Variants in BRCA1 observed in about 807,000 individuals in gnomAD.
The protein encoded by BRCA1 is BRCA1 DNA repair associated, also known as breast cancer type 1 susceptibility protein.
In BRCA1, 140 loss-of-function variants were observed where a neutral mutation model predicts 173.7. The ratio of observed to expected loss-of-function variants is 0.81; its 90% CI spans 0.70 to 0.93. The LOEUF (loss-of-function observed/expected upper bound fraction) is 0.93, where lower values mean the gene tolerates loss of function less well. Ranked by LOEUF, BRCA1 falls within the 40% of genes least tolerant of loss-of-function variation. The probability of loss-of-function intolerance (pLI) is 0.00; values close to 1 mark genes in which losing one functional copy is unlikely to be tolerated. For synonymous variants in BRCA1, 662 were observed against 756.0 expected, an observed-to-expected ratio of 0.88 and a Z score of 2.04; for missense variants, 1,983 against 2,172.5, an observed-to-expected ratio of 0.91 and a Z score of 1.73.
At chr17:43,127,364 G>C (rs1409797768), upstream of BRCA1, among the ~76,000 whole-genome samples, 1 of 152,218 alleles carries the variant, frequency 6.6e-6, no homozygotes, top group African/African-American at 2.4e-5. Flanking sequence ...GCACCAATCA[G>C]CACTCTGTAT....
chr17:43,089,231 C>T (rs1358091148), intron 11 of BRCA1, among the ~76,000 whole-genome samples: 1 of 151,970 alleles, frequency 6.6e-6, no homozygotes, highest in Admixed American at 6.6e-5. Flanking sequence ...GCACGAAAAT[C>T]ACTTGATCCT....
chr17:43,073,072 C>A (rs1003057668), intron 14 of BRCA1, among the ~76,000 whole-genome samples: 6 of 151,162 alleles, frequency 4.0e-5, no homozygotes, highest in Non-Finnish European at 7.4e-5. Context: ...TGGCTCACAC[C>A]TATAATCCCA....
intron 4 of BRCA1, 99 bp downstream of exon 4, chr17:43,106,357 T>C (rs1189340178): frequency 2.6e-6 from 2 of 776,622 alleles, no homozygotes; most frequent in South Asian, 1.7e-5. Flanking sequence ...TATAAATTTT[T>C]CTGATGAATG....
At chr17:43,103,322 C>T (rs2054573073) in intron 6 of BRCA1, among the ~76,000 whole-genome samples, 1 of 152,010 alleles carries the variant, frequency 6.6e-6, no homozygotes, top group Non-Finnish European at 1.5e-5. Flanking sequence ...CAAAAATTAG[C>T]CAGGTCTGGT....
intron 2 of BRCA1, among the ~76,000 whole-genome samples, chr17:43,120,233 G>C (rs1016772494): frequency 3.9e-5 from 6 of 152,204 alleles, no homozygotes; most frequent in Admixed American, 1.3e-4. Context: ...GTCAGAAATA[G>C]CTGCCAATAT....
At chr17:43,089,405 TCTAGA>T (rs1441447625) in intron 11 of BRCA1, among the ~76,000 whole-genome samples, 1 of 152,176 alleles carries the variant, frequency 6.6e-6, no homozygotes, top group Non-Finnish European at 1.5e-5. Context: ...GAATGTTTTT[TCTAGA>T]CTATTCTGCC....
intron 14 of BRCA1, among the ~76,000 whole-genome samples, chr17:43,073,765 T>C (rs962992684): frequency 1.0e-4 from 15 of 149,862 alleles, no homozygotes; most frequent in Admixed American, 8.0e-4. Flanking sequence ...TATATATATA[T>C]ATTTTTTGAG....
At chr17:43,114,743 GGTACCAGGTTAT>G (rs1380498900) in intron 3 of BRCA1, among the ~76,000 whole-genome samples, 4 of 151,904 alleles carry the variant, frequency 2.6e-5, no homozygotes, top group Non-Finnish European at 5.9e-5. Flanking sequence ...GTTTGTACCT[GGTACCAGGTTAT>G]GTACCAGGTA....
chr17:43,106,900 T>G (rs1006102692), intron 3 of BRCA1, among the ~76,000 whole-genome samples: 6 of 152,182 alleles, frequency 3.9e-5, no homozygotes, highest in East Asian at 3.8e-4. Flanking sequence ...ATAATTAGTT[T>G]AAAATCTCAA....
intron 3 of BRCA1, 115 bp downstream of exon 3, chr17:43,115,611 T>C (rs191998879): frequency 9.5e-7 from 1 of 1,049,038 alleles, no homozygotes; most frequent in East Asian, 2.6e-5. Context: ...GAGTTGGATT[T>C]TTCGTTCTCA....
At chr17:43,104,014 G>A (rs950126687) in intron 6 of BRCA1, 108 bp downstream of exon 6, 6 of 1,387,936 alleles carry the variant, frequency 4.3e-6, no homozygotes, top group African/African-American at 1.5e-5. Flanking sequence ...GGCTAAGGCA[G>A]GAGGACTGCT....
At position 43,045,847 on chromosome 17, in the gene BRCA1, C is replaced by G. The variant is rs781271325; in HGVS notation, c.5468-45G>C. 7 of 1,613,608 alleles carry G rather than the reference C, an allele frequency of 4.3e-6. No homozygotes were observed. The Admixed American group carries it at 6.7e-5, about 15-fold the overall frequency. On this transcript the variant is annotated intron_variant, in intron 22 of 22. Coordinates refer to ENST00000357654, the MANE Select transcript of BRCA1 (RefSeq NM_007294.4). ...GCAGAGATTAGTGTCAATTCATTCT[C>G]CTGGACTAGGCTCTAATCAATCGAC...
intron 7 of BRCA1, among the ~76,000 whole-genome samples, chr17:43,098,539 T>A (rs1460824878): frequency 6.6e-6 from 1 of 151,184 alleles, no homozygotes; most frequent in Non-Finnish European, 1.5e-5. Context: ...TTTTTTTTTT[T>A]TGTATTTTTA....
chr17:43,047,501 A>C (rs1051940178), intron 22 of BRCA1, 142 bp downstream of exon 22: 1 of 880,506 alleles, frequency 1.1e-6, no homozygotes, highest in Non-Finnish European at 1.9e-6. Context: ...CAATAAAAAC[A>C]TCAAAAAGAC....
chr17:43,123,891 G>T, intron 2 of BRCA1, 126 bp downstream of exon 2: 1 of 753,640 alleles, frequency 1.3e-6, no homozygotes, highest in South Asian at 1.5e-5. Flanking sequence ...AAGAAAATCA[G>T]CAATTACAAT....
intron 1 of BRCA1, chr17:43,139,977 G>C: frequency 2.0e-6 from 1 of 491,094 alleles, no homozygotes; most frequent in Non-Finnish European, 4.2e-6. Flanking sequence ...CATGATAGGA[G>C]CGTCCTTTGT....
chr17:43,054,803 C>T (rs954889752), intron 19 of BRCA1, among the ~76,000 whole-genome samples: 6 of 149,782 alleles, frequency 4.0e-5, no homozygotes, highest in Admixed American at 3.4e-4. Context: ...AGTGCAGTGG[C>T]GCAATCTTGG....
intron 2 of BRCA1, among the ~76,000 whole-genome samples, chr17:43,116,847 C>G (rs2055319814): frequency 6.6e-6 from 1 of 152,100 alleles, no homozygotes; most frequent in South Asian, 2.1e-4. Context: ...ATAGGTGTCT[C>G]TTACTTTTTC....
Position 43,092,861 on chromosome 17 carries a change from C to A in BRCA1, c.2670G>T (p.Gly890=), listed in dbSNP as rs786201677. The A allele has an allele frequency of 1.9e-6, 3 of 1,613,844 alleles. No homozygotes were observed. The highest frequency in any genetic ancestry group is 8.5e-7 in the Non-Finnish European group (1 of 1,179,996). The stretch of plus-strand genomic sequence containing the variant: ...CTTTTGGACTTTGTTTCTTTAAGGA[C>A]CCAGAGTGGGCAGAGAATGTTGCAC... The part of the protein sequence containing the change: ...EECATFSAHS[G]SLKKQSPKVT... The change falls in exon 10 of 23, where the codon GGG becomes GGT. Residue 890 remains glycine, a synonymous_variant. Coordinates refer to ENST00000357654, the MANE Select transcript of BRCA1 (RefSeq NM_007294.4).
Sources: gnomAD v4.1 joint callset for allele counts (sites outside exome capture counted in the v4.1 genomes callset) on GRCh38, gnomAD v4.1.1 for gene constraint, MANE v1.5 for transcripts, NCBI Gene and HGNC (gene_info 2026-07-23, HGNC 2026-07-21) for gene names.